Variants in WDFY3 observed in about 807,000 individuals in gnomAD.
WDFY3 encodes WD repeat and FYVE domain containing 3, also known as WD repeat and FYVE domain-containing protein 3.
WDFY3 carries 66 observed loss-of-function variants against 409.6 expected under a neutral mutation model. The ratio of observed to expected loss-of-function variants is 0.16; its 90% confidence interval spans 0.13 to 0.20. The LOEUF (loss-of-function observed/expected upper bound fraction) is 0.20. Among genes scored for constraint, WDFY3 ranks in the 10% least tolerant of loss-of-function variants. The pLI is 1.00. For synonymous variants in WDFY3, 1,521 were observed against 1,537.1 expected (o/e 0.99, Z 0.25); for missense variants, 3,031 against 4,298.1 (o/e 0.71, Z 8.24).
chr4:84,712,986 C>G (rs566642094), intron 51 of WDFY3, among the ~76,000 whole-genome samples, 173 bp downstream of exon 51: 152 of 152,300 alleles, frequency 1.0e-3, no homozygotes, highest in Middle Eastern at 3.4e-3. Context: ...TGATTTGACA[C>G]AGTGCTTATG....
chr4:84,682,507 A>G lies in WDFY3; in HGVS notation c.9727-37T>C, dbSNP rs1168698427. On this transcript the variant is annotated intron_variant, in intron 63 of 67. Transcript: ENST00000295888. The stretch of plus-strand genomic sequence containing the variant: ...TAAGTACAAAAATTAAAAAGTTAAG[A>G]AACAGATTAAGGAACCAATTTACAT... 11 of 1,563,110 alleles carry G rather than the reference A, an allele frequency of 7.0e-6. 1 individual carries two copies. In the East Asian group the frequency reaches 9.1e-5, roughly 13 times the overall value.
intron 44 of WDFY3, among the ~76,000 whole-genome samples, chr4:84,727,874 A>G (rs1302111035): frequency 6.6e-6 from 1 of 152,224 alleles, no homozygotes; most frequent in East Asian, 1.9e-4. Context: ...TTGTAAAGGT[A>G]TATCTTATAT....
At chr4:84,746,145 CAAAAAAAA>C (rs761664622) in intron 36 of WDFY3, among the ~76,000 whole-genome samples, 1 of 60,632 alleles carries the variant, frequency 1.6e-5, no homozygotes, top group Non-Finnish European at 3.3e-5. Context: ...CTGTCTCTAC[CAAAAAAAA>C]AAAAAAAAAA....
At chr4:84,686,230 C>T (rs1291546158) in intron 62 of WDFY3, among the ~76,000 whole-genome samples, 8 of 151,992 alleles carry the variant, frequency 5.3e-5, no homozygotes, top group African/African-American at 9.7e-5. Context: ...GGCGTGAACC[C>T]GGGAGGTGGA....
At chr4:84,854,695 A>G (rs780104261) in intron 4 of WDFY3, among the ~76,000 whole-genome samples, 1 of 152,138 alleles carries the variant, frequency 6.6e-6, no homozygotes, top group Non-Finnish European at 1.5e-5. Context: ...AGATCACCTG[A>G]GGTCAGGCGT....
chr4:84,923,310 T>C (rs1769526682), intron 2 of WDFY3, among the ~76,000 whole-genome samples: 1 of 152,210 alleles, frequency 6.6e-6, no homozygotes, highest in East Asian at 1.9e-4. Flanking sequence ...AAAGGAAATC[T>C]GGACAAACAA....
chr4:84,793,482 G>A (rs1326242066), intron 21 of WDFY3, among the ~76,000 whole-genome samples: 1 of 152,156 alleles, frequency 6.6e-6, no homozygotes, highest in Non-Finnish European at 1.5e-5. Flanking sequence ...AGCAATACTA[G>A]TTCATTATTT....
intron 67 of WDFY3, 21 bp from the exon 68 acceptor site, chr4:84,673,012 A>G: frequency 6.2e-7 from 1 of 1,613,636 alleles, no homozygotes; most frequent in South Asian, 1.1e-5. Flanking sequence ...GGAAAAGTCA[A>G]TTAATTATAG....
At chr4:84,948,346 A>G (rs1208514093) in intron 1 of WDFY3, among the ~76,000 whole-genome samples, 2 of 152,184 alleles carry the variant, frequency 1.3e-5, no homozygotes, top group Non-Finnish European at 2.9e-5. Flanking sequence ...AGGCATCAGC[A>G]GTTCTTTGCA....
At chr4:84,728,406 T>C (rs1438994651) in intron 44 of WDFY3, among the ~76,000 whole-genome samples, 1 of 152,054 alleles carries the variant, frequency 6.6e-6, no homozygotes, top group Non-Finnish European at 1.5e-5. Context: ...GGTGCATGAC[T>C]GTAATTCCAG....
chr4:84,850,169 TACA>T lies in WDFY3; in HGVS notation c.181-147_181-145del, dbSNP rs1367225907. 19 of 793,784 alleles carry T rather than the reference TACA, an allele frequency of 2.4e-5. No individual in the cohort carries two copies. The African/African-American group carries it at 2.5e-4, about 11-fold the overall frequency. The allele number at this position is 793,784 out of a possible 1,614,324, so 49.2% of individuals were successfully genotyped here. On this transcript the variant is annotated intron_variant, in intron 4 of 67. Transcript: ENST00000295888. ...ACTTTGAATCTTAATATGTTGAAAATACAACGCTTTCAATAAATCACATGTCTA... is the reference window on the plus strand; with the variant it reads ...ACTTTGAATCTTAATATGTTGAAAATACGCTTTCAATAAATCACATGTCTA...
At chr4:84,692,198 G>A (rs943506506) in intron 59 of WDFY3, among the ~76,000 whole-genome samples, 1 of 152,162 alleles carries the variant, frequency 6.6e-6, no homozygotes, top group African/African-American at 2.4e-5. Flanking sequence ...TCATTCCCCA[G>A]AGGAACGGAC....
In WDFY3 at chr4:84,672,881, G is replaced by A; in HGVS notation, c.10568C>T (p.Pro3523Leu). The change falls in exon 68 of 68, where the codon CCT (proline) becomes CTT (leucine). Residue 3523 changes from proline to leucine, a missense_variant. Around this residue, in one of 16 missense-constraint regions of WDFY3, gnomAD observed 378 missense variants for 477.3 expected, o/e 0.79. Transcript: ENST00000295888. ...CTTGTTGAATCTTCAACAATTTCGAGGCCCATCTTCTGAACCTCTCTCATG... is the reference window on the plus strand; with the variant it reads ...CTTGTTGAATCTTCAACAATTTCGAAGCCCATCTTCTGAACCTCTCTCATG... The part of the protein sequence containing the change: ...LQHERGSEDG[P>L]RNC 3 of 1,613,984 alleles carry A rather than the reference G, an allele frequency of 1.9e-6. No homozygotes were observed. In the South Asian group the frequency reaches 3.3e-5, roughly 18 times the overall value.
intron 3 of WDFY3, chr4:84,886,271 TA>T (rs1764209560): frequency 6.6e-6 from 1 of 152,136 alleles, no homozygotes; most frequent in African/African-American, 2.4e-5. Context: ...CTGTTTTATA[TA>T]AAAATATATT....
chr4:84,844,149 A>C (rs967644019), intron 5 of WDFY3, among the ~76,000 whole-genome samples: 5 of 152,216 alleles, frequency 3.3e-5, no homozygotes, highest in African/African-American at 1.2e-4. Flanking sequence ...GAGAGTAAAC[A>C]AACGAATTCA....
In WDFY3 at chr4:84,672,881, G is replaced by C. The variant is rs1446335360; in HGVS notation, c.10568C>G (p.Pro3523Arg). The C allele has an allele frequency of 4.3e-6, 7 of 1,613,866 alleles. No homozygotes were observed. The highest frequency in any genetic ancestry group is 5.9e-6 in the Non-Finnish European group (7 of 1,179,952). The change falls in exon 68 of 68, where the codon CCT (proline) becomes CGT (arginine). Residue 3523 changes from proline to arginine, a missense_variant. Pro to Arg is a moderately radical substitution (Grantham distance 103). This residue lies in a region of WDFY3 where 378 missense variants were observed against 477.3 expected (regional missense o/e 0.79). Coordinates refer to ENST00000295888, the MANE Select transcript of WDFY3 (RefSeq NM_014991.6). Reference sequence around the variant, plus strand: ...CTTGTTGAATCTTCAACAATTTCGAGGCCCATCTTCTGAACCTCTCTCATG... The same window carrying C: ...CTTGTTGAATCTTCAACAATTTCGACGCCCATCTTCTGAACCTCTCTCATG... Reference protein sequence around the residue: ...LQHERGSEDGPRNC With the variant: ...LQHERGSEDGRRNC
intron 1 of WDFY3, among the ~76,000 whole-genome samples, chr4:84,949,308 C>T (rs1773304790): frequency 1.3e-5 from 2 of 152,104 alleles, no homozygotes; most frequent in South Asian, 2.1e-4. Flanking sequence ...GGAAACTTGG[C>T]AGTATAGTAC....
intron 24 of WDFY3, among the ~76,000 whole-genome samples, chr4:84,783,855 TCATA>T (rs1186937306): frequency 1.3e-4 from 18 of 136,270 alleles, no homozygotes; most frequent in African/African-American, 5.2e-4. Context: ...TGTATATGTG[TCATA>T]CATACACACA....
Position 84,837,049 on chromosome 4 carries a change from G to A in WDFY3, c.456C>T (p.Thr152=), listed in dbSNP as rs372602734. 2 of 1,585,688 alleles carry A rather than the reference G, an allele frequency of 1.3e-6. No homozygotes were observed. The highest frequency in any genetic ancestry group is 1.3e-5 in the African/African-American group (1 of 74,160). ...DCMTTMSVPS[T]LVKCLYLFFD... Reference sequence around the variant, plus strand: ...AAAACAGATATAAACATTTAACCAGGGTGGAAGGCACTGACATTGTTGTCA... The same window carrying A: ...AAAACAGATATAAACATTTAACCAGAGTGGAAGGCACTGACATTGTTGTCA... The change falls in exon 7 of 68, where the codon ACC becomes ACT. Residue 152 remains threonine, a synonymous_variant. Coordinates refer to ENST00000295888, the MANE Select transcript of WDFY3 (RefSeq NM_014991.6).
Sources: allele counts gnomAD v4.1 joint callset (sites outside exome capture counted in the v4.1 genomes callset), GRCh38; gene constraint gnomAD v4.1.1; regional missense constraint gnomAD v4.1.1; transcripts MANE v1.5; gene names NCBI Gene and HGNC (gene_info 2026-07-23, HGNC 2026-07-21).